C12orf42: variants seen among roughly 807,000 people sequenced by gnomAD.
The protein encoded by C12orf42 is uncharacterized protein C12orf42.
In C12orf42, 25 loss-of-function variants were observed where a neutral mutation model predicts 21.6. The ratio of observed to expected loss-of-function variants is 1.16; its 90% CI spans 0.84 to 1.62. The LOEUF (loss-of-function observed/expected upper bound fraction) is 1.62, where lower values mean the gene tolerates loss of function less well. Ranked by LOEUF, C12orf42 falls within the 40% of genes most tolerant of loss-of-function variation. The pLI is 0.00. For synonymous variants in C12orf42, 174 were observed against 175.0 expected (o/e 0.99, Z 0.05); for missense variants, 483 against 459.3 (o/e 1.05, Z -0.47).
chr12:103,273,868 A>T (rs1317195034), intron 5 of C12orf42: 2 of 456,376 alleles, frequency 4.4e-6, no homozygotes, highest in South Asian at 3.1e-5. Context: ...AGGTCTCCTC[A>T]TAGTGGCTAT....
At chr12:103,305,898 CT>C (rs1211562452) in intron 5 of C12orf42, 75 bp downstream of exon 5, 1 of 1,475,220 alleles carries the variant, frequency 6.8e-7, no homozygotes, top group African/African-American at 1.4e-5. Flanking sequence ...AATATTTTTT[CT>C]GTTTATACTG....
the C12orf42 span, among the ~76,000 whole-genome samples, chr12:103,519,859 T>A: frequency 6.6e-6 from 1 of 151,936 alleles, no homozygotes; most frequent in Non-Finnish European, 1.5e-5. Flanking sequence ...AGGTCATGGA[T>A]CTGAATAACC....
intron 2 of C12orf42, among the ~76,000 whole-genome samples, chr12:103,432,874 C>T (rs904427263): frequency 2.0e-5 from 3 of 152,130 alleles, no homozygotes; most frequent in Non-Finnish European, 2.9e-5. Context: ...ACCTTGATCT[C>T]GGACTCCCAG....
At chr12:103,233,981 T>C (rs2033388025), downstream of C12orf42, among the ~76,000 whole-genome samples, 1 of 152,228 alleles carries the variant, frequency 6.6e-6, no homozygotes, top group Non-Finnish European at 1.5e-5. Flanking sequence ...TCTATTTATA[T>C]TCTCACATAA....
intron 4 of C12orf42, among the ~76,000 whole-genome samples, chr12:103,365,547 C>T (rs551958447): frequency 6.2e-4 from 94 of 152,100 alleles, no homozygotes; most frequent in African/African-American, 2.1e-3. Context: ...TTGCTGTTTG[C>T]TGATGATATG....
intron 2 of C12orf42, among the ~76,000 whole-genome samples, chr12:103,423,181 T>G (rs1464472345): frequency 6.6e-6 from 1 of 152,208 alleles, no homozygotes; most frequent in African/African-American, 2.4e-5. Context: ...CCCAGCCCTT[T>G]GTCACGGGGT....
chr12:103,317,105 C>T (rs1010530723), intron 4 of C12orf42, among the ~76,000 whole-genome samples: 2 of 152,164 alleles, frequency 1.3e-5, no homozygotes, highest in Non-Finnish European at 2.9e-5. Flanking sequence ...ATCAATTTTT[C>T]AAGAAGAGTT....
the C12orf42 span, among the ~76,000 whole-genome samples, chr12:103,213,804 C>T: frequency 6.6e-6 from 1 of 152,156 alleles, no homozygotes; most frequent in African/African-American, 2.4e-5. Flanking sequence ...CTATGAGTCC[C>T]CCAGCTGTCT....
chr12:103,146,604 G>GAAAGAAAGAA, the C12orf42 span, among the ~76,000 whole-genome samples: 2 of 149,648 alleles, frequency 1.3e-5, no homozygotes, highest in African/African-American at 4.9e-5. Context: ...AAGAAAGAAA[G>GAAAGAAAGAA]AAAGAAAAAG....
At position 103,359,695 on chromosome 12, in the gene C12orf42, A is replaced by G. The variant is rs146160674; in HGVS notation, c.259+9192T>C. The stretch of plus-strand genomic sequence containing the variant: ...AGACAATTCATCCACCTCTTTTTTC[A>G]TAGCTTTCATTATAATCTGTAATAA... On this transcript the variant is annotated intron_variant, in intron 4 of 5. Coordinates refer to ENST00000548883, the MANE Select transcript of C12orf42 (RefSeq NM_198521.5). Among the ~76,000 whole-genome samples the G allele has an allele frequency of 3.0e-3, 456 of 152,110 alleles. 1 individual carries two copies. Among genetic ancestry groups the G allele is most frequent in the African/African-American group, 0.01 (420 of 41,528 alleles).
chr12:103,303,342 G>C (rs897677493), intron 5 of C12orf42, among the ~76,000 whole-genome samples: 1 of 151,222 alleles, frequency 6.6e-6, no homozygotes, highest in African/African-American at 2.4e-5. Context: ...TAAACTTCAA[G>C]ATTTATATAA....
At chr12:103,192,939 C>T in the C12orf42 span, among the ~76,000 whole-genome samples, 3 of 152,272 alleles carry the variant, frequency 2.0e-5, no homozygotes, top group South Asian at 2.1e-4. Context: ...AGAAAATATA[C>T]CTTCTTCTCA....
chr12:103,084,808 A>T, the C12orf42 span, among the ~76,000 whole-genome samples: 1 of 152,228 alleles, frequency 6.6e-6, no homozygotes, highest in African/African-American at 2.4e-5. Flanking sequence ...ACTGTCATTT[A>T]CTAGGGGCTA....
intron 1 of C12orf42, among the ~76,000 whole-genome samples, chr12:103,480,736 G>T (rs559140534): frequency 2.0e-4 from 30 of 151,088 alleles, no homozygotes; most frequent in Non-Finnish European, 3.9e-4. Context: ...TTTTAAATTG[G>T]TTACATTTTG....
the C12orf42 span, chr12:103,549,517 G>T: frequency 2.0e-5 from 3 of 152,086 alleles, no homozygotes; most frequent in African/African-American, 7.2e-5. Flanking sequence ...TTTCTAGTAC[G>T]GTGCCTGACA....
the C12orf42 span, among the ~76,000 whole-genome samples, chr12:103,201,956 A>T: frequency 1.3e-5 from 2 of 152,344 alleles, no homozygotes; most frequent in South Asian, 4.1e-4. Flanking sequence ...ATGTGCATCA[A>T]AATGATGTAT....
intron 4 of C12orf42, among the ~76,000 whole-genome samples, chr12:103,278,630 T>A (rs1262908867): frequency 6.6e-6 from 1 of 152,234 alleles, no homozygotes; most frequent in Non-Finnish European, 1.5e-5. Context: ...CCTTGGTATG[T>A]GCTGACGTGA....
At chr12:103,562,352 T>C in the C12orf42 span, among the ~76,000 whole-genome samples, 8 of 152,310 alleles carry the variant, frequency 5.3e-5, no homozygotes, top group Non-Finnish European at 1.2e-4. Flanking sequence ...CTCTGATCAA[T>C]TGATCGTTTC....
chr12:103,486,201 A>G (rs1323982526), intron 1 of C12orf42, among the ~76,000 whole-genome samples: 3 of 152,324 alleles, frequency 2.0e-5, no homozygotes, highest in South Asian at 2.1e-4. Flanking sequence ...GAATTTTCTC[A>G]AAGGCCTTTT....
Sources: gnomAD v4.1 joint callset for allele counts (sites outside exome capture counted in the v4.1 genomes callset) on GRCh38, gnomAD v4.1.1 for gene constraint, MANE v1.5 for transcripts, NCBI Gene and HGNC (gene_info 2026-07-23, HGNC 2026-07-21) for gene names.